Variants in DHRSX observed in about 807,000 individuals in gnomAD.
DHRSX encodes polyprenol dehydrogenase.
A neutral mutation model predicts 34.0 loss-of-function variants in DHRSX; 31 were observed. The ratio of observed to expected loss-of-function variants is 0.91; its 90% CI spans 0.69 to 1.23. The LOEUF is 1.23. Among genes scored for constraint, DHRSX ranks in the 50% most tolerant of loss-of-function variants. The probability of loss-of-function intolerance (pLI) is 0.00; values close to 1 mark genes in which losing one functional copy is unlikely to be tolerated. For synonymous variants in DHRSX, 201 were observed against 183.8 expected, an observed-to-expected ratio of 1.09 and a Z score of -0.76; for missense variants, 414 against 428.1, an observed-to-expected ratio of 0.97 and a Z score of 0.29.
chrX:2,248,613 C>CAAAAAAAAAAAA (rs1357827255), intron 5 of DHRSX, among the ~76,000 whole-genome samples: 6 of 17,512 alleles, frequency 3.4e-4, no homozygotes, highest in African/African-American at 8.3e-4. Context: ...GACTCTGTCT[C>CAAAAAAAAAAAA]AAAAAAAAAA....
At position 2,240,605 on chromosome X, in the gene DHRSX, C is replaced by T. The variant is rs766599717; in HGVS notation, c.804+2418G>A. 1.6e-3 allele frequency among the ~76,000 whole-genome samples: 248 copies of T among 151,934 alleles called. 1 individual carries two copies. Among genetic ancestry groups the T allele is most frequent in the African/African-American group, 5.7e-3 (236 of 41,496 alleles). On this transcript the variant is annotated intron_variant, in intron 6 of 6. Coordinates refer to ENST00000334651, the MANE Select transcript of DHRSX (RefSeq NM_145177.3). ...CTCAGAAAGAGGTGGGAAACTTCAA[C>T]AAGCAGTAGACGCCCAAGGAATTTT...
At chrX:2,306,084 C>G (rs1055876310) in intron 3 of DHRSX, among the ~76,000 whole-genome samples, 1 of 152,100 alleles carries the variant, frequency 6.6e-6, no homozygotes, top group Non-Finnish European at 1.5e-5. Flanking sequence ...TATCTATGTA[C>G]AATCCTGCAT....
intron 3 of DHRSX, among the ~76,000 whole-genome samples, chrX:2,323,762 C>T (rs1002918236): frequency 2.6e-5 from 4 of 151,758 alleles, no homozygotes; most frequent in African/African-American, 7.3e-5. Flanking sequence ...GAGTGAGATC[C>T]GGTCTCGAAA....
At position 2,371,559 on chromosome X, in the gene DHRSX, T is replaced by C. The variant is rs1302512068; in HGVS notation, c.286+37186A>G. Among the ~76,000 whole-genome samples the C allele has an allele frequency of 2.4e-4, 35 of 148,314 alleles. 1 individual carries two copies. The highest frequency in any genetic ancestry group is 4.9e-4 in the Non-Finnish European group (33 of 66,990). On this transcript the variant is annotated intron_variant, in intron 3 of 6. Coordinates refer to ENST00000334651, the MANE Select transcript of DHRSX (RefSeq NM_145177.3). ...ATAGTCCGTCCTTCTGTTACCATAG[T>C]CCCTCCTTCCATTACCATAGTACCT...
chrX:2,297,535 T>C (rs1408937731), intron 3 of DHRSX, among the ~76,000 whole-genome samples: 1 of 152,164 alleles, frequency 6.6e-6, no homozygotes, highest in Admixed American at 6.6e-5. Flanking sequence ...TTACCTTGTA[T>C]GAAAATAGGG....
chrX:2,371,617 C>T (rs1053866985), intron 3 of DHRSX, among the ~76,000 whole-genome samples: 3 of 149,974 alleles, frequency 2.0e-5, no homozygotes, highest in African/African-American at 7.4e-5. Flanking sequence ...CTTCTGTTAC[C>T]AGTCCTTCCT....
At chrX:2,377,051 G>A (rs141427471) in intron 3 of DHRSX, among the ~76,000 whole-genome samples, 7,889 of 150,778 alleles carry the variant, frequency 0.052, 905 homozygotes, top group East Asian at 0.17. Context: ...AGATGGCCAC[G>A]ACAAAGGCAG....
intron 1 of DHRSX, among the ~76,000 whole-genome samples, chrX:2,499,614 T>C (rs113794667): frequency 0.052 from 7,822 of 151,150 alleles, 300 homozygotes; most frequent in South Asian, 0.15. Flanking sequence ...CTACAAAAAA[T>C]TTAAAACATT....
At chrX:2,326,055 G>A (rs73187640) in intron 3 of DHRSX, among the ~76,000 whole-genome samples, 22,547 of 152,146 alleles carry the variant, frequency 0.15, 2,108 homozygotes, top group Admixed American at 0.22. Flanking sequence ...GCAACTCTGC[G>A]ATCCATCAGA....
intron 1 of DHRSX, among the ~76,000 whole-genome samples, chrX:2,436,538 G>A (rs966826716): frequency 4.0e-4 from 60 of 150,176 alleles, no homozygotes; most frequent in African/African-American, 6.6e-4. Context: ...CTGTCACCCC[G>A]GCTGGAGTGC....
Position 2,330,385 on chromosome X carries a change from G to A in DHRSX, c.287-38782C>T, listed in dbSNP as rs755707348. Among the ~76,000 whole-genome samples the A allele has an allele frequency of 2.6e-5, 4 of 151,904 alleles. No homozygotes were observed. The South Asian group carries it at 6.2e-4, about 24-fold the overall frequency. The stretch of plus-strand genomic sequence containing the variant: ...AAAATACAAAAATTAGCTGGGCAGG[G>A]TGGTGCATGCCTGTAATCCCAGCTA... On this transcript the variant is annotated intron_variant, in intron 3 of 6. Transcript: ENST00000334651.
chrX:2,343,848 AT>A, intron 3 of DHRSX, among the ~76,000 whole-genome samples: 1 of 152,292 alleles, frequency 6.6e-6, no homozygotes, highest in African/African-American at 2.4e-5. Flanking sequence ...GGTGAAGTGT[AT>A]TAGTATGTAT....
chrX:2,265,015 A>C (rs745373994), intron 5 of DHRSX, among the ~76,000 whole-genome samples: 11 of 151,344 alleles, frequency 7.3e-5, no homozygotes, highest in African/African-American at 2.7e-4. Context: ...AGACGCAGGG[A>C]GCACTGTCCC....
At chrX:2,239,236 G>C (rs2016084404) in intron 6 of DHRSX, among the ~76,000 whole-genome samples, 1 of 152,112 alleles carries the variant, frequency 6.6e-6, no homozygotes, top group South Asian at 2.1e-4. Context: ...TATTTAGAAA[G>C]AAATAATGTC....
In DHRSX at chrX:2,480,534, T is replaced by A. The variant is rs972305609; in HGVS notation, c.109+20283A>T. On this transcript the variant is annotated intron_variant, in intron 1 of 6. Transcript: ENST00000334651. ...GCATCTTTAAAAAAAAAAAAAAAAA[T>A]TAGCTGGGTATGGTAGCATGCACCT... Among the ~76,000 whole-genome samples, 9 of 144,698 alleles carry A rather than the reference T, an allele frequency of 6.2e-5. No individual in the cohort carries two copies. In the East Asian group the frequency reaches 1.8e-3, roughly 29 times the overall value. The allele number at this position is 144,698 out of a possible 152,430, so 94.9% of individuals were successfully genotyped here.
chrX:2,393,890 C>T (rs1389927650), intron 3 of DHRSX, among the ~76,000 whole-genome samples: 1 of 148,560 alleles, frequency 6.7e-6, no homozygotes, highest in Non-Finnish European at 1.5e-5. Flanking sequence ...CACCCAGGGA[C>T]CTCCCTGTCT....
At chrX:2,493,913 A>C (rs184572460) in intron 1 of DHRSX, among the ~76,000 whole-genome samples, 40 of 152,306 alleles carry the variant, frequency 2.6e-4, no homozygotes, top group African/African-American at 9.4e-4. Context: ...CAGAGGTTGC[A>C]GTGAGCCGAG....
chrX:2,316,307 G>T (rs2042241096), intron 3 of DHRSX, among the ~76,000 whole-genome samples: 1 of 152,148 alleles, frequency 6.6e-6, no homozygotes, highest in African/African-American at 2.4e-5. Flanking sequence ...TTCCAGCACT[G>T]TGATAGGCTG....
intron 3 of DHRSX, among the ~76,000 whole-genome samples, chrX:2,375,320 TG>T (rs1365743225): frequency 7.2e-6 from 1 of 138,014 alleles, no homozygotes; most frequent in East Asian, 2.0e-4. Flanking sequence ...AGTGAAAGTA[TG>T]GTATGCACAC....
Sources: gnomAD v4.1 joint callset for allele counts (sites outside exome capture counted in the v4.1 genomes callset) on GRCh38, gnomAD v4.1.1 for gene constraint, MANE v1.5 for transcripts, NCBI Gene and HGNC (gene_info 2026-07-23, HGNC 2026-07-21) for gene names.